CACNA2D2: variants seen among roughly 807,000 people sequenced by gnomAD.
The protein encoded by CACNA2D2 is calcium voltage-gated channel auxiliary subunit alpha2delta 2, also known as voltage-dependent calcium channel subunit alpha-2/delta-2.
In CACNA2D2, 48 loss-of-function variants were observed where a neutral mutation model predicts 166.4. The observed-to-expected ratio is 0.29, with a 90% CI of 0.23 to 0.37. The LOEUF (loss-of-function observed/expected upper bound fraction) is 0.37. CACNA2D2 is among the 10% of genes least tolerant of loss of function. CACNA2D2 has a pLI of 1.00. For missense variants in CACNA2D2, 1,122 were observed against 1,433.0 expected (o/e 0.78, Z 3.50); for synonymous variants, 561 against 573.7 (o/e 0.98, Z 0.32).
chr3:50,369,336 G>C (rs1235803134), intron 23 of CACNA2D2, among the ~76,000 whole-genome samples: 1 of 152,206 alleles, frequency 6.6e-6, no homozygotes, highest in African/African-American at 2.4e-5. Context: ...AAAACGAATA[G>C]GGTCCCTGCC....
chr3:50,379,211 G>T lies in CACNA2D2; in HGVS notation c.1153-12C>A. ...CGAGTGATGTTGGACTGAGGGGAGT[G>T]AGGCGGAGGCAGGCAGCTCTCAGCC... On this transcript the variant is annotated splice_polypyrimidine_tract_variant and intron_variant, in intron 11 of 37. Transcript: ENST00000424201. This position sits in a 1 kb window ranked among gnomAD's most constrained non-coding sequence, Gnocchi z 6.5. The T allele has an allele frequency of 6.2e-7, 1 of 1,604,882 alleles. No individual in the cohort carries two copies. Among genetic ancestry groups the T allele is most frequent in the Non-Finnish European group, 8.5e-7 (1 of 1,171,750 alleles).
At chr3:50,502,187 C>T (rs1698998341) in intron 1 of CACNA2D2, among the ~76,000 whole-genome samples, 1 of 152,162 alleles carries the variant, frequency 6.6e-6, no homozygotes, top group Non-Finnish European at 1.5e-5. Context: ...TTCCCCTTGG[C>T]CACCAGCAGC....
At chr3:50,487,192 AG>A (rs61356192) in intron 1 of CACNA2D2, among the ~76,000 whole-genome samples, 22,634 of 152,088 alleles carry the variant, frequency 0.15, 3,967 homozygotes, top group African/African-American at 0.39. Flanking sequence ...CTTAACCTCA[AG>A]GGGGACTCCA....
intron 2 of CACNA2D2, among the ~76,000 whole-genome samples, chr3:50,453,393 G>A (rs909934845): frequency 5.3e-5 from 8 of 152,158 alleles, no homozygotes; most frequent in Admixed American, 1.3e-4. Context: ...GAGCGATTTC[G>A]GACAGTCCAG....
In CACNA2D2 at chr3:50,365,369, C is replaced by T. The variant is rs1416404168; in HGVS notation, c.3085G>A (p.Gly1029Arg). The T allele has an allele frequency of 1.2e-6, 2 of 1,613,426 alleles. No homozygotes were observed. Among genetic ancestry groups the T allele is most frequent in the Non-Finnish European group, 8.5e-7 (1 of 1,179,782 alleles). Residue 1029 changes from glycine (G) to arginine (R), a missense_variant, in exon 35 of 38, where the codon GGA (glycine) becomes AGA (arginine). By Grantham distance (125) the Gly-to-Arg change is moderately radical. This residue lies in a region of CACNA2D2 where 282 missense variants were observed against 266.2 expected (regional missense o/e 1.06). Coordinates refer to ENST00000424201, the MANE Select transcript of CACNA2D2 (RefSeq NM_006030.4). This position sits in a 1 kb window ranked among gnomAD's most constrained non-coding sequence, Gnocchi z 4.5. The stretch of plus-strand genomic sequence containing the variant: ...CACTGCCAGCACCTGGAGCAGTTTC[C>T]GCAGTCGATGATGGCGTTGTAGGAG... ...NASYNAIIDC[G>R]NCSRLFHAQR...
At chr3:50,406,198 T>C (rs969218512) in intron 3 of CACNA2D2, among the ~76,000 whole-genome samples, 1 of 151,814 alleles carries the variant, frequency 6.6e-6, no homozygotes, top group Non-Finnish European at 1.5e-5. Context: ...GCTAATGCCA[T>C]GCAAATTGGC....
At position 50,364,767 on chromosome 3, in the gene CACNA2D2, G is replaced by A; in HGVS notation, c.3331C>T (p.Pro1111Ser). 6.3e-7 allele frequency: 1 copy of A among 1,586,336 alleles called. No individual in the cohort carries two copies. The highest frequency in any genetic ancestry group is 8.6e-7 in the Non-Finnish European group (1 of 1,167,018). Residue 1111 changes from proline (P) to serine (S), a missense_variant, in exon 38 of 38, where the codon CCG (proline) becomes TCG (serine). Around this residue, in one of 2 missense-constraint regions of CACNA2D2, gnomAD observed 282 missense variants for 266.2 expected, o/e 1.06. Transcript: ENST00000424201. ...AGGGAGACCAGGACGCCCAGCGACG[G>A]CGGGAAGGAGGCCCCGCGGCCACAG... ...SDCGRGASFPPSLGVLVSLQL... is the reference protein window; with the variant it reads ...SDCGRGASFPSSLGVLVSLQL...
chr3:50,421,576 A>G (rs1707564007), intron 3 of CACNA2D2, among the ~76,000 whole-genome samples: 1 of 152,062 alleles, frequency 6.6e-6, no homozygotes, highest in African/African-American at 2.4e-5. Context: ...GCATCAGCCC[A>G]GGGCACTCCT....
chr3:50,368,037 T>C (rs1704444441), intron 24 of CACNA2D2, 101 bp downstream of exon 24: 1 of 1,169,690 alleles, frequency 8.5e-7, no homozygotes, highest in African/African-American at 1.5e-5. Context: ...CCTTAGCTTG[T>C]GCCTGCTTAT....
chr3:50,500,403 C>T (rs1052358803), intron 1 of CACNA2D2, among the ~76,000 whole-genome samples: 2 of 152,136 alleles, frequency 1.3e-5, no homozygotes, highest in East Asian at 3.9e-4. Context: ...AACCTGGGGG[C>T]ACTGGAGAAC....
chr3:50,476,969 GC>G (rs1412688512), intron 1 of CACNA2D2, among the ~76,000 whole-genome samples: 1 of 140,300 alleles, frequency 7.1e-6, no homozygotes, highest in Admixed American at 7.6e-5. Context: ...TCGATCTGTC[GC>G]CCAGGCTGGA....
At chr3:50,476,082 G>A (rs1001152057) in intron 2 of CACNA2D2, 36 bp downstream of exon 2, 1 of 1,510,476 alleles carries the variant, frequency 6.6e-7, no homozygotes, top group South Asian at 1.2e-5. Context: ...CTTGGAAGAG[G>A]GTCCCTGAAG....
intron 2 of CACNA2D2, among the ~76,000 whole-genome samples, chr3:50,473,033 G>A (rs562350157): frequency 6.7e-4 from 102 of 152,296 alleles, no homozygotes; most frequent in African/African-American, 2.3e-3. Flanking sequence ...GTTGGGCTGG[G>A]GAACCCAGGA....
At chr3:50,369,311 G>A (rs976721161) in intron 23 of CACNA2D2, among the ~76,000 whole-genome samples, 2 of 152,248 alleles carry the variant, frequency 1.3e-5, no homozygotes, top group African/African-American at 4.8e-5. Context: ...CTGAGCCACA[G>A]ACACAGAGAT....
rs775272200 is a variant in CACNA2D2 at position 50,380,742 on chromosome 3, G to T, written c.842+6C>A. ...GTCCCTCCCCAGCCCCTTCTTGCTCGCTCACCAGGGTCTCCTTCGGACATC... is the reference window on the plus strand; with the variant it reads ...GTCCCTCCCCAGCCCCTTCTTGCTCTCTCACCAGGGTCTCCTTCGGACATC... On this transcript the variant is annotated splice_donor_region_variant and intron_variant, in intron 8 of 37. Coordinates refer to ENST00000424201, the MANE Select transcript of CACNA2D2 (RefSeq NM_006030.4). The surrounding 1 kb of genome is among the most constrained non-coding windows in gnomAD (Gnocchi z 4.9). 2 of 1,526,074 alleles carry T rather than the reference G, an allele frequency of 1.3e-6. No individual in the cohort carries two copies. Among genetic ancestry groups the T allele is most frequent in the Admixed American group, 4.3e-5 (2 of 46,478 alleles). 94.5% of individuals were successfully genotyped at this position (1,526,074 alleles called of 1,614,324 possible).
At chr3:50,425,228 C>A (rs1160103820) in intron 3 of CACNA2D2, among the ~76,000 whole-genome samples, 1 of 152,206 alleles carries the variant, frequency 6.6e-6, no homozygotes, top group East Asian at 1.9e-4. Context: ...AGGTTCCCCT[C>A]CCAGCCCCCA....
Position 50,381,110 on chromosome 3 carries a change from A to T in CACNA2D2, c.669T>A (p.Asn223Lys). ...CCAGGGCCTCTGTCCAGTTGAGCTC[A>T]TTGAGGATGACAGTGGCTGGGGGGA... ...DIYKGSTVIL[N>K]ELNWTEALEN... The change falls in exon 7 of 38, where the codon AAT becomes AAA. Residue 223 changes from asparagine (N) to lysine (K), a missense_variant. Around this residue, in one of 2 missense-constraint regions of CACNA2D2, gnomAD observed 840 missense variants for 1,166.8 expected, o/e 0.72. Transcript: ENST00000424201. The T allele has an allele frequency of 6.3e-7, 1 of 1,584,174 alleles. No homozygotes were observed. Among genetic ancestry groups the T allele is most frequent in the African/African-American group, 1.3e-5 (1 of 74,154 alleles).
chr3:50,390,891 C>T (rs1705854946), intron 4 of CACNA2D2, among the ~76,000 whole-genome samples: 1 of 152,248 alleles, frequency 6.6e-6, no homozygotes, highest in Non-Finnish European at 1.5e-5. Flanking sequence ...CCTGGCCAGA[C>T]ATGACTGCCG....
At chr3:50,476,584 T>C (rs1183800603) in intron 1 of CACNA2D2, among the ~76,000 whole-genome samples, 1 of 152,050 alleles carries the variant, frequency 6.6e-6, no homozygotes, top group Non-Finnish European at 1.5e-5. Flanking sequence ...CCTCAGGGAG[T>C]GAGGTCTGCT....
Sources: gnomAD v4.1 joint callset for allele counts (sites outside exome capture counted in the v4.1 genomes callset) on GRCh38, gnomAD v4.1.1 for gene constraint, gnomAD v4.1.1 regional missense constraint, Gnocchi (gnomAD v3.1) non-coding constraint, MANE v1.5 for transcripts, NCBI Gene and HGNC (gene_info 2026-07-23, HGNC 2026-07-21) for gene names.